The following JPH2 variants were observed in gnomAD, a reference collection of about 807,000 sequenced individuals.
JPH2 encodes the protein junctophilin-2.
A neutral mutation model predicts 55.9 loss-of-function variants in JPH2; 38 were observed. That is an observed-to-expected ratio of 0.68 (90% CI 0.52 to 0.89). The LOEUF is 0.89. JPH2 is among the 40% of genes least tolerant of loss of function. The probability of loss-of-function intolerance (pLI) is 0.00; values close to 1 mark genes in which losing one functional copy is unlikely to be tolerated. For missense variants in JPH2, 964 were observed against 1,037.6 expected (o/e 0.93, Z 0.97); for synonymous variants, 480 against 472.4 (o/e 1.02, Z -0.21).
intron 5 of JPH2, 97 bp downstream of exon 5, chr20:44,114,685 C>T (rs1344084547): frequency 1.2e-6 from 1 of 849,248 alleles, no homozygotes; most frequent in African/African-American, 1.7e-5. Flanking sequence ...GGACTGTCAT[C>T]CAAGTACCGA....
intron 2 of JPH2, among the ~76,000 whole-genome samples, chr20:44,136,392 C>T (rs1277307663): frequency 6.6e-6 from 1 of 152,120 alleles, no homozygotes; most frequent in Non-Finnish European, 1.5e-5. Flanking sequence ...TATTCTGCTC[C>T]CTGGGTGCAA....
chr20:44,115,555 C>G, intron 4 of JPH2, 110 bp downstream of exon 4: 1 of 1,399,204 alleles, frequency 7.1e-7, no homozygotes, highest in Middle Eastern at 2.4e-4. Context: ...TATCCTGCTT[C>G]GGTCTCTCGC....
chr20:44,127,010 T>C (rs767337593), intron 2 of JPH2, among the ~76,000 whole-genome samples: 1 of 152,246 alleles, frequency 6.6e-6, no homozygotes, highest in African/African-American at 2.4e-5. Context: ...GCTATCATTA[T>C]TGTTTCTGTT....
In JPH2 at chr20:44,115,684, G is replaced by A. The variant is rs766295044; in HGVS notation, c.1991C>T (p.Ala664Val). The A allele has an allele frequency of 9.3e-6, 15 of 1,612,760 alleles. No individual in the cohort carries two copies. Among genetic ancestry groups the A allele is most frequent in the South Asian group, 5.5e-5 (5 of 91,018 alleles). ...ARKEAALAAEAEVEVEEVPNT... is the reference protein window; with the variant it reads ...ARKEAALAAEVEVEVEEVPNT... ...CCTCACCTCTTCCACCTCCACCTCC[G>A]CCTCTGCCGCCAGTGCGGCCTCCTT... The change falls in exon 4 of 6, where the codon GCG becomes GTG. Residue 664 changes from alanine to valine, a missense_variant. Coordinates refer to ENST00000372980, the MANE Select transcript of JPH2 (RefSeq NM_020433.5).
At chr20:44,158,215 G>T (rs1038985999) in intron 2 of JPH2, among the ~76,000 whole-genome samples, 1 of 152,222 alleles carries the variant, frequency 6.6e-6, no homozygotes, top group African/African-American at 2.4e-5. Context: ...CTCTAAGGGA[G>T]TCAGGCTTGA....
At chr20:44,136,440 C>CCATCAT (rs10649860) in intron 2 of JPH2, among the ~76,000 whole-genome samples, 35 of 151,486 alleles carry the variant, frequency 2.3e-4, no homozygotes, top group South Asian at 8.3e-4. Flanking sequence ...GGACTCATCG[C>CCATCAT]CATCATCATC....
At chr20:44,186,141 C>T (rs2072837575) in intron 1 of JPH2, among the ~76,000 whole-genome samples, 186 bp downstream of exon 1, 1 of 152,164 alleles carries the variant, frequency 6.6e-6, no homozygotes, top group African/African-American at 2.4e-5. Flanking sequence ...CCTTTATTAG[C>T]TCCATCTTTA....
At chr20:44,122,376 G>A (rs188787811) in intron 2 of JPH2, among the ~76,000 whole-genome samples, 11 of 152,314 alleles carry the variant, frequency 7.2e-5, no homozygotes, top group Admixed American at 3.3e-4. Context: ...CGAGGCACTC[G>A]CCTCAGGGGC....
In JPH2 at chr20:44,107,330, CTGTCT is replaced by C. The variant is rs2072114530; in HGVS notation, c.*6183_*6187del. Among the ~76,000 whole-genome samples the C allele has an allele frequency of 6.6e-6, 1 of 152,108 alleles. No individual in the cohort carries two copies. Among genetic ancestry groups the C allele is most frequent in the African/African-American group, 2.4e-5 (1 of 41,406 alleles). On this transcript the variant is annotated 3_prime_UTR_variant, in exon 6 of 6. Transcript: ENST00000372980. Reference sequence around the variant, plus strand: ...AATGGGGATGGTACTACAGGCTGTACTGTCTTGTCTGTTTACCAAAACCCACATCC... The same window carrying C: ...AATGGGGATGGTACTACAGGCTGTACTGTCTGTTTACCAAAACCCACATCC...
intron 1 of JPH2, among the ~76,000 whole-genome samples, chr20:44,182,594 A>T (rs2072794051): frequency 6.6e-6 from 1 of 152,196 alleles, no homozygotes; most frequent in South Asian, 2.1e-4. Context: ...CAAGCCCAGC[A>T]CTGCCTCGGG....
intron 2 of JPH2, among the ~76,000 whole-genome samples, chr20:44,148,927 T>C (rs1288038709): frequency 1.3e-5 from 2 of 151,518 alleles, no homozygotes; most frequent in Non-Finnish European, 1.5e-5. Context: ...ATTAGCTGGG[T>C]GTGGTGGTGA....
chr20:44,157,191 T>C (rs1284211344), intron 2 of JPH2, among the ~76,000 whole-genome samples: 1 of 152,174 alleles, frequency 6.6e-6, no homozygotes, highest in Non-Finnish European at 1.5e-5. Flanking sequence ...GAAGGACTTA[T>C]TTCTCCCACT....
rs1600857762 is a variant in JPH2 at position 44,160,037 on chromosome 20, C to CTTAAGGAAGCTGACACGGCTG, written c.729_749dup (p.Leu249_Lys250insAsnSerArgValSerPheLeu). 1 of 1,557,004 alleles carries CTTAAGGAAGCTGACACGGCTG rather than the reference C, an allele frequency of 6.4e-7. No individual in the cohort carries two copies. Among genetic ancestry groups the CTTAAGGAAGCTGACACGGCTG allele is most frequent in the Non-Finnish European group, 8.6e-7 (1 of 1,158,242 alleles). On this transcript the variant is annotated inframe_insertion, in exon 2 of 6. Transcript: ENST00000372980. This position sits in a 1 kb window ranked among gnomAD's most constrained non-coding sequence, Gnocchi z 4.9. Reference sequence around the variant, plus strand: ...CGCTGGCGCCCGAGCTGAGGTCGCTCTTAAGGAAGCTGACACGGCTGCGCT... The same window carrying CTTAAGGAAGCTGACACGGCTG: ...CGCTGGCGCCCGAGCTGAGGTCGCTCTTAAGGAAGCTGACACGGCTGTTAAGGAAGCTGACACGGCTGCGCT...
chr20:44,136,756 C>G (rs1431963764), intron 2 of JPH2, among the ~76,000 whole-genome samples: 1 of 152,134 alleles, frequency 6.6e-6, no homozygotes, highest in African/African-American at 2.4e-5. Flanking sequence ...TGATCTTTGC[C>G]AAGTCATGGA....
At position 44,134,077 on chromosome 20, in the gene JPH2, A is replaced by T. The variant is rs1270527975; in HGVS notation, c.1170-15454T>A. 3.5e-4 allele frequency among the ~76,000 whole-genome samples: 8 copies of T among 22,820 alleles called. 2 individuals are homozygous for T. The East Asian group carries it at 0.013, about 38-fold the overall frequency. 15.0% of individuals were successfully genotyped at this position (22,820 alleles called of 152,430 possible). ...ATATTTATTATAAATATATAAATAT[A>T]TATTTATTATAAATATATATTTATT... On this transcript the variant is annotated intron_variant, in intron 2 of 5. Coordinates refer to ENST00000372980, the MANE Select transcript of JPH2 (RefSeq NM_020433.5).
At chr20:44,156,360 T>C (rs889408694) in intron 2 of JPH2, among the ~76,000 whole-genome samples, 3 of 152,212 alleles carry the variant, frequency 2.0e-5, no homozygotes, top group African/African-American at 7.2e-5. Flanking sequence ...TATTCCCACC[T>C]AAAAGTTTTA....
At chr20:44,181,670 C>T (rs1031471564) in intron 1 of JPH2, among the ~76,000 whole-genome samples, 7 of 152,216 alleles carry the variant, frequency 4.6e-5, no homozygotes, top group South Asian at 2.1e-4. Flanking sequence ...TTTTGGACCT[C>T]CCAGCTTTTG....
At chr20:44,172,456 C>A (rs1441074230) in intron 1 of JPH2, among the ~76,000 whole-genome samples, 1 of 152,022 alleles carries the variant, frequency 6.6e-6, no homozygotes, top group African/African-American at 2.4e-5. Flanking sequence ...GCTCTAGTAA[C>A]CTGTATGTGT....
At chr20:44,134,888 T>A (rs1286193519) in intron 2 of JPH2, among the ~76,000 whole-genome samples, 38 of 34,348 alleles carry the variant, frequency 1.1e-3, no homozygotes, top group African/African-American at 4.0e-3. Flanking sequence ...ATATATATAT[T>A]AATATATATT....
Sources: allele counts gnomAD v4.1 joint callset (sites outside exome capture counted in the v4.1 genomes callset), GRCh38; gene constraint gnomAD v4.1.1; non-coding constraint Gnocchi (gnomAD v3.1); transcripts MANE v1.5; gene names NCBI Gene and HGNC (gene_info 2026-07-23, HGNC 2026-07-21).